MED12L: variants seen among roughly 807,000 people sequenced by gnomAD.
The protein encoded by MED12L is mediator of RNA polymerase II transcription subunit 12-like protein.
A neutral mutation model predicts 281.3 loss-of-function variants in MED12L; 60 were observed. That is an observed-to-expected ratio of 0.21 (90% CI 0.17 to 0.26). The LOEUF (loss-of-function observed/expected upper bound fraction) is 0.26, where lower values mean the gene tolerates loss of function less well. Ranked by LOEUF, MED12L falls within the 10% of genes least tolerant of loss-of-function variation. MED12L has a pLI of 1.00. For synonymous variants in MED12L, 974 were observed against 987.2 expected, an observed-to-expected ratio of 0.99 and a Z score of 0.25; for missense variants, 2,146 against 2,680.9, an observed-to-expected ratio of 0.80 and a Z score of 4.41.
chr3:151,103,136 C>G (rs1485725532), intron 2 of MED12L, among the ~76,000 whole-genome samples: 2 of 152,280 alleles, frequency 1.3e-5, no homozygotes, highest in East Asian at 3.9e-4. Context: ...TTTGAGGCTG[C>G]CTTAAATATA....
chr3:151,092,916 A>AG (rs996117731), intron 2 of MED12L, among the ~76,000 whole-genome samples: 9 of 152,102 alleles, frequency 5.9e-5, no homozygotes, highest in African/African-American at 2.2e-4. Flanking sequence ...ACTGGTTGGG[A>AG]GGTCCTGCTG....
chr3:151,298,343 G>C (rs932392752), intron 16 of MED12L, among the ~76,000 whole-genome samples: 3 of 152,156 alleles, frequency 2.0e-5, no homozygotes, highest in African/African-American at 4.8e-5. Context: ...ATCTTTAATT[G>C]ACAGTAGCTT....
At chr3:151,334,038 C>G (rs1188133377) in intron 16 of MED12L, among the ~76,000 whole-genome samples, 1 of 151,894 alleles carries the variant, frequency 6.6e-6, no homozygotes, top group Admixed American at 6.6e-5. Flanking sequence ...CATCATGTCA[C>G]TGCACTCCAG....
chr3:151,248,116 A>C (rs1318683378), intron 16 of MED12L, among the ~76,000 whole-genome samples: 1 of 151,896 alleles, frequency 6.6e-6, no homozygotes, highest in Admixed American at 6.6e-5. Flanking sequence ...TGTCCTTGCC[A>C]TCCACAAGTT....
At chr3:151,211,684 G>A (rs1727193171) in intron 16 of MED12L, among the ~76,000 whole-genome samples, 1 of 152,136 alleles carries the variant, frequency 6.6e-6, no homozygotes, top group Non-Finnish European at 1.5e-5. Flanking sequence ...TTCTTGCTCT[G>A]TTGCCCAGGC....
At chr3:151,418,562 T>A (rs1717887893) in intron 43 of MED12L, among the ~76,000 whole-genome samples, 1 of 152,222 alleles carries the variant, frequency 6.6e-6, no homozygotes, top group Admixed American at 6.5e-5. Context: ...CATGATTAGA[T>A]TCAGATTATA....
chr3:151,165,869 C>T lies in MED12L; in HGVS notation c.1381C>T (p.His461Tyr), dbSNP rs755007997. Residue 461 changes from histidine (H) to tyrosine (Y), a missense_variant, in exon 11 of 45, where the codon CAC becomes TAC. His to Tyr is a moderately conservative substitution (Grantham distance 83). Around this residue, in one of 9 missense-constraint regions of MED12L, gnomAD observed 722 missense variants for 861.2 expected, o/e 0.84. Coordinates refer to ENST00000687756, the MANE Select transcript of MED12L (RefSeq NM_001393769.1). ...TAGVTISRVLHTLEVLDRHCF... is the reference protein window; with the variant it reads ...TAGVTISRVLYTLEVLDRHCF... ...AGGGGTGACTATTAGTCGGGTTTTG[C>T]ACACGTTGGAAGTTTTGGATCGTCA... 9 of 1,613,788 alleles carry T rather than the reference C, an allele frequency of 5.6e-6. No individual in the cohort carries two copies. The highest frequency in any genetic ancestry group is 2.2e-5 in the South Asian group (2 of 90,884).
chr3:151,328,884 C>T (rs936533736), intron 16 of MED12L: 12 of 1,613,824 alleles, frequency 7.4e-6, no homozygotes, highest in East Asian at 2.2e-5. Context: ...AGCAGGATGC[C>T]GGTCAAGAAA....
At chr3:151,327,636 G>A (rs1240595818) in intron 16 of MED12L, 1 of 160,336 alleles carries the variant, frequency 6.2e-6, no homozygotes, top group Non-Finnish European at 1.3e-5. Context: ...TGTGAATTGT[G>A]GAAAAGAATG....
chr3:151,367,652 G>A lies in MED12L; in HGVS notation c.3334G>A (p.Asp1112Asn). 6.2e-7 allele frequency: 1 copy of A among 1,602,994 alleles called. No individual in the cohort carries two copies. Among genetic ancestry groups the A allele is most frequent in the South Asian group, 1.1e-5 (1 of 89,862 alleles). ...GTCAATGTTTTTCTTGAAGGTGAGTGACCTTTCATTCCATGATTCATTAGC... is the reference window on the plus strand; with the variant it reads ...GTCAATGTTTTTCTTGAAGGTGAGTAACCTTTCATTCCATGATTCATTAGC... The part of the protein sequence containing the change: ...NDVLCTVDVS[D>N]LSFHDSLATF... The change falls in exon 24 of 45, where the codon GAC becomes AAC. Residue 1112 changes from aspartate to asparagine, a missense_variant. By Grantham distance (23) the Asp-to-Asn change is conservative (BLOSUM62 1). Coordinates refer to ENST00000687756, the MANE Select transcript of MED12L (RefSeq NM_001393769.1).
intron 16 of MED12L, among the ~76,000 whole-genome samples, chr3:151,289,765 C>T (rs758820161): frequency 3.9e-5 from 6 of 152,072 alleles, no homozygotes; most frequent in Admixed American, 6.6e-5. Flanking sequence ...CCCTGGGGAA[C>T]CTAGTATCTA....
At chr3:151,151,031 C>CTTTGTTTTTTTTTTTTTTTTT (rs1718399593) in intron 5 of MED12L, among the ~76,000 whole-genome samples, 1 of 32,880 alleles carries the variant, frequency 3.0e-5, no homozygotes, top group African/African-American at 1.2e-4. Context: ...GCTGAAGTAG[C>CTTTGTTTTTTTTTTTTTTTTT]TTTTTTTTTT....
chr3:151,271,749 G>T (rs1740989233), intron 16 of MED12L, among the ~76,000 whole-genome samples: 1 of 152,148 alleles, frequency 6.6e-6, no homozygotes, highest in African/African-American at 2.4e-5. Context: ...AAAACATGTT[G>T]AGCAAAACAA....
intron 16 of MED12L, among the ~76,000 whole-genome samples, chr3:151,218,096 G>A (rs1226001603): frequency 6.6e-6 from 1 of 152,052 alleles, no homozygotes; most frequent in Non-Finnish European, 1.5e-5. Context: ...CCTCATACAG[G>A]GACCTACAGA....
intron 5 of MED12L, among the ~76,000 whole-genome samples, chr3:151,143,143 G>C (rs1250879844): frequency 6.6e-6 from 1 of 152,194 alleles, no homozygotes; most frequent in East Asian, 1.9e-4. Context: ...AGCCGGGGTG[G>C]ATCTGGCTGG....
intron 16 of MED12L, among the ~76,000 whole-genome samples, chr3:151,221,405 A>T (rs371535934): frequency 6.6e-6 from 1 of 152,240 alleles, no homozygotes; most frequent in African/African-American, 2.4e-5. Context: ...GGGAAAATGT[A>T]TCCAGGGCAT....
chr3:151,269,224 A>T (rs1740407306), intron 16 of MED12L, among the ~76,000 whole-genome samples: 1 of 152,192 alleles, frequency 6.6e-6, no homozygotes, highest in Admixed American at 6.5e-5. Flanking sequence ...AACATGCAGA[A>T]ACCCCATCTC....
At chr3:151,415,089 A>G (rs1717392250) in intron 42 of MED12L, among the ~76,000 whole-genome samples, 1 of 152,224 alleles carries the variant, frequency 6.6e-6, no homozygotes, top group Admixed American at 6.5e-5. Flanking sequence ...GAGGAAAGTT[A>G]CCACATTATT....
At chr3:151,384,534 C>T (rs886459078) in intron 35 of MED12L, among the ~76,000 whole-genome samples, 5 of 151,938 alleles carry the variant, frequency 3.3e-5, no homozygotes, top group African/African-American at 4.8e-5. Context: ...TGGACTGGCA[C>T]GTGTAATTGA....
Sources: gnomAD v4.1 joint callset for allele counts (sites outside exome capture counted in the v4.1 genomes callset) on GRCh38, gnomAD v4.1.1 for gene constraint, gnomAD v4.1.1 regional missense constraint, MANE v1.5 for transcripts, NCBI Gene and HGNC (gene_info 2026-07-23, HGNC 2026-07-21) for gene names.